The following TTC28 variants were observed in gnomAD, a reference collection of about 807,000 sequenced individuals.
The protein encoded by TTC28 is tetratricopeptide repeat domain 28, also known as tetratricopeptide repeat protein 28.
In TTC28, 61 loss-of-function variants were observed where a neutral mutation model predicts 198.0. The observed-to-expected ratio is 0.31, with a 90% confidence interval of 0.25 to 0.38. The LOEUF (loss-of-function observed/expected upper bound fraction) is 0.38. Ranked by LOEUF, TTC28 falls within the 10% of genes least tolerant of loss-of-function variation. The probability of loss-of-function intolerance (pLI) is 1.00; values close to 1 mark genes in which losing one functional copy is unlikely to be tolerated. For missense variants in TTC28, 2,678 were observed against 3,164.0 expected (o/e 0.85, Z 3.69); for synonymous variants, 1,171 against 1,297.8 (o/e 0.90, Z 2.10).
intron 6 of TTC28, among the ~76,000 whole-genome samples, chr22:28,132,270 T>C (rs1055524977): frequency 1.3e-5 from 2 of 152,206 alleles, no homozygotes; most frequent in Non-Finnish European, 2.9e-5. Flanking sequence ...AAGTTACACA[T>C]TTTAATAAGA....
intron 12 of TTC28, among the ~76,000 whole-genome samples, chr22:28,087,303 C>T (rs1348959775): frequency 1.3e-5 from 2 of 152,150 alleles, no homozygotes; most frequent in East Asian, 3.8e-4. Context: ...CATCAAAACG[C>T]TTATCCACCA....
intron 2 of TTC28, among the ~76,000 whole-genome samples, chr22:28,407,874 T>C (rs1015764074): frequency 1.3e-5 from 2 of 152,260 alleles, no homozygotes; most frequent in African/African-American, 4.8e-5. Flanking sequence ...ATGCCAAGTA[T>C]ACAACTCAAG....
At chr22:28,243,466 A>G (rs991780932) in intron 5 of TTC28, among the ~76,000 whole-genome samples, 8 of 151,148 alleles carry the variant, frequency 5.3e-5, no homozygotes, top group South Asian at 2.1e-4. Flanking sequence ...TGTATTTTAC[A>G]AAAGTGCTAA....
chr22:28,538,556 CTTTTTTTTTTTT>C (rs753754141), intron 2 of TTC28, among the ~76,000 whole-genome samples: 1 of 109,536 alleles, frequency 9.1e-6, no homozygotes, highest in Non-Finnish European at 1.9e-5. Context: ...GCACCTTTCT[CTTTTTTTTTTTT>C]TTTTTTTTTG....
rs1936962908 is a variant in TTC28, at chr22:27,980,094, A to C, written c.*2127T>G. On this transcript the variant is annotated 3_prime_UTR_variant, in exon 23 of 23. Coordinates refer to ENST00000397906, the MANE Select transcript of TTC28 (RefSeq NM_001145418.2). ...CACAGAAAGAGAGCACAGACCCCAGAGCTTTACTCCAGGGATCCTTGGCAC... is the reference window on the plus strand; with the variant it reads ...CACAGAAAGAGAGCACAGACCCCAGCGCTTTACTCCAGGGATCCTTGGCAC... 6.6e-6 allele frequency: 1 copy of C among 152,198 alleles called. No individual in the cohort carries two copies. Among genetic ancestry groups the C allele is most frequent in the East Asian group, 1.9e-4 (1 of 5,190 alleles). The allele number at this position is 152,198 out of a possible 1,614,324, so 9.4% of individuals were successfully genotyped here.
chr22:28,150,627 T>G (rs997974012), intron 6 of TTC28, among the ~76,000 whole-genome samples: 2 of 152,194 alleles, frequency 1.3e-5, no homozygotes, highest in African/African-American at 4.8e-5. Context: ...CAGGGTGCAG[T>G]GTCCAGCACA....
rs779118207 is a variant in TTC28 at position 27,989,891 on chromosome 22, G to C, written c.5694C>G (p.Phe1898Leu). 1.6e-5 allele frequency: 25 copies of C among 1,550,856 alleles called. 1 individual carries two copies. The South Asian group carries it at 2.4e-4, about 15-fold the overall frequency. The change falls in exon 21 of 23, where the codon TTC becomes TTG. Residue 1898 changes from phenylalanine to leucine, a missense_variant. Transcript: ENST00000397906. Reference sequence around the variant, plus strand: ...TTCTCTGCCTACCTAGAGCTGCCAGGAACTCGTGGCATCCCGGGAGCCGCC... The same window carrying C: ...TTCTCTGCCTACCTAGAGCTGCCAGCAACTCGTGGCATCCCGGGAGCCGCC... ...QLWRLPGCHE[F>L]LAALGFDLCE...
intron 2 of TTC28, among the ~76,000 whole-genome samples, chr22:28,626,170 C>T (rs984798791): frequency 5.9e-5 from 9 of 152,198 alleles, no homozygotes; most frequent in Non-Finnish European, 7.4e-5. Context: ...AAAGAAAAAA[C>T]ATCTAGCATG....
intron 12 of TTC28, among the ~76,000 whole-genome samples, chr22:28,080,757 G>T (rs1311433803): frequency 6.6e-6 from 1 of 151,874 alleles, no homozygotes; most frequent in Admixed American, 6.6e-5. Context: ...ATAAATTATT[G>T]CCAAATCCAA....
chr22:28,426,563 C>T (rs1369065245), intron 2 of TTC28, among the ~76,000 whole-genome samples: 3 of 152,140 alleles, frequency 2.0e-5, no homozygotes, highest in Non-Finnish European at 4.4e-5. Flanking sequence ...TTTCTTACTT[C>T]CTAGTTCCTA....
chr22:28,339,038 A>G (rs1250347808), intron 2 of TTC28, among the ~76,000 whole-genome samples: 1 of 152,032 alleles, frequency 6.6e-6, no homozygotes, highest in Non-Finnish European at 1.5e-5. Context: ...ATGCTGATGT[A>G]CAGATGGGGT....
intron 2 of TTC28, among the ~76,000 whole-genome samples, chr22:28,462,317 T>C (rs1272233485): frequency 6.6e-6 from 1 of 152,160 alleles, no homozygotes; most frequent in Non-Finnish European, 1.5e-5. Context: ...AGAGCCATAA[T>C]GTGGTTCCAT....
chr22:28,165,470 A>C (rs1266658189), intron 5 of TTC28, among the ~76,000 whole-genome samples: 2 of 150,856 alleles, frequency 1.3e-5, no homozygotes, highest in Non-Finnish European at 3.0e-5. Context: ...TCAGACTAAC[A>C]GCTGATCTCA....
chr22:28,660,552 T>C (rs886956352), intron 1 of TTC28, among the ~76,000 whole-genome samples: 2 of 151,716 alleles, frequency 1.3e-5, no homozygotes, highest in African/African-American at 4.9e-5. Context: ...TGAGATGGAG[T>C]CTCACTCTGT....
At chr22:28,294,196 C>T (rs187930306) in intron 5 of TTC28, among the ~76,000 whole-genome samples, 1 of 152,168 alleles carries the variant, frequency 6.6e-6, no homozygotes, top group African/African-American at 2.4e-5. Flanking sequence ...TTTGGAAGGG[C>T]TTAGAAGTGA....
At chr22:28,502,415 C>T (rs1004809203) in intron 2 of TTC28, among the ~76,000 whole-genome samples, 4 of 151,716 alleles carry the variant, frequency 2.6e-5, no homozygotes, top group African/African-American at 9.7e-5. Flanking sequence ...CCGAGGAGGC[C>T]GGATCATGAG....
At chr22:28,528,628 C>T (rs923219701) in intron 2 of TTC28, among the ~76,000 whole-genome samples, 2 of 149,606 alleles carry the variant, frequency 1.3e-5, no homozygotes, top group Admixed American at 6.7e-5. Flanking sequence ...CCGAGCTACT[C>T]GGGAGGCCAA....
At chr22:28,135,773 A>T (rs1265215814) in intron 6 of TTC28, among the ~76,000 whole-genome samples, 2 of 152,202 alleles carry the variant, frequency 1.3e-5, no homozygotes, top group African/African-American at 4.8e-5. Context: ...TTCACATCTG[A>T]TGTTTTCTCT....
chr22:28,586,834 T>C (rs2050326851), intron 2 of TTC28, among the ~76,000 whole-genome samples: 1 of 152,078 alleles, frequency 6.6e-6, no homozygotes, highest in Admixed American at 6.5e-5. Flanking sequence ...TGGATATCTA[T>C]ACAATTTTCA....
Sources: allele counts gnomAD v4.1 joint callset (sites outside exome capture counted in the v4.1 genomes callset), GRCh38; gene constraint gnomAD v4.1.1; transcripts MANE v1.5; gene names NCBI Gene and HGNC (gene_info 2026-07-23, HGNC 2026-07-21).